Variants in DNM2 observed in about 807,000 individuals in gnomAD.
DNM2 encodes the protein dynamin-2.
In DNM2, 15 loss-of-function variants were observed where a neutral mutation model predicts 99.0. The observed-to-expected ratio is 0.15, with a 90% CI of 0.10 to 0.23. The LOEUF (loss-of-function observed/expected upper bound fraction) is 0.23, where lower values mean the gene tolerates loss of function less well. Ranked by LOEUF, DNM2 falls within the 10% of genes least tolerant of loss-of-function variation. DNM2 has a pLI of 1.00. For missense variants in DNM2, 742 were observed against 1,189.4 expected (o/e 0.62, Z 5.53); for synonymous variants, 525 against 481.2 (o/e 1.09, Z -1.19).
chr19:10,778,549 G>C (rs548609650), intron 5 of DNM2, among the ~76,000 whole-genome samples: 2 of 152,214 alleles, frequency 1.3e-5, no homozygotes, highest in African/African-American at 4.8e-5. Context: ...CTACTTAAGA[G>C]GCTGAGGTGG....
intron 18 of DNM2, among the ~76,000 whole-genome samples, chr19:10,825,674 AAGAGAG>A (rs561156273): frequency 5.0e-5 from 7 of 139,070 alleles, no homozygotes; most frequent in Non-Finnish European, 7.5e-5. Context: ...GTCTCAAGAA[AAGAGAG>A]AGAGAGAGAG....
At chr19:10,719,094 C>G (rs1235128949) in intron 1 of DNM2, among the ~76,000 whole-genome samples, 1 of 152,166 alleles carries the variant, frequency 6.6e-6, no homozygotes, top group African/African-American at 2.4e-5. Context: ...TTGATTCTCT[C>G]TGGCTGACTC....
At chr19:10,777,633 C>T (rs2071198437) in intron 5 of DNM2, among the ~76,000 whole-genome samples, 1 of 152,102 alleles carries the variant, frequency 6.6e-6, no homozygotes, top group Admixed American at 6.6e-5. Context: ...TTGCTCTTGT[C>T]ACCCAAGCTA....
At chr19:10,748,504 G>A (rs1000798164) in intron 1 of DNM2, among the ~76,000 whole-genome samples, 1 of 152,182 alleles carries the variant, frequency 6.6e-6, no homozygotes, top group Non-Finnish European at 1.5e-5. Context: ...AGGCTTGGGC[G>A]TCCTTGCTGG....
chr19:10,820,111 G>A lies in DNM2; in HGVS notation c.1781+22G>A, dbSNP rs1325998299. The A allele has an allele frequency of 6.2e-7, 1 of 1,612,142 alleles. No individual in the cohort carries two copies. Among genetic ancestry groups the A allele is most frequent in the Non-Finnish European group, 8.5e-7 (1 of 1,178,572 alleles). ...AGAGGTGAGGGGCCCAGGGGCCTGGGGATGGCTCGGGGTGAAGACCAATGG... is the reference window on the plus strand; with the variant it reads ...AGAGGTGAGGGGCCCAGGGGCCTGGAGATGGCTCGGGGTGAAGACCAATGG... On this transcript the variant is annotated intron_variant, in intron 16 of 20. Coordinates refer to ENST00000389253, the MANE Select transcript of DNM2 (RefSeq NM_001005361.3). This position sits in a 1 kb window ranked among gnomAD's most constrained non-coding sequence, Gnocchi z 4.3.
chr19:10,732,026 C>A (rs1262785707), intron 1 of DNM2, among the ~76,000 whole-genome samples: 2 of 150,274 alleles, frequency 1.3e-5, no homozygotes, highest in Admixed American at 1.3e-4. Context: ...GCAATCTCGG[C>A]TCGCTGCAAC....
intron 1 of DNM2, among the ~76,000 whole-genome samples, chr19:10,720,216 ATTT>A (rs778787809): frequency 7.1e-6 from 1 of 140,668 alleles, no homozygotes; most frequent in South Asian, 2.2e-4. Flanking sequence ...TTATTTATTT[ATTT>A]TTTTTTTTTT....
chr19:10,812,644 A>C lies in DNM2; in HGVS notation c.1671+267A>C, dbSNP rs559742467. Among the ~76,000 whole-genome samples the C allele has an allele frequency of 2.3e-3, 349 of 152,226 alleles. 2 individuals carry two copies. Among genetic ancestry groups the C allele is most frequent in the African/African-American group, 7.9e-3 (330 of 41,534 alleles). On this transcript the variant is annotated intron_variant, in intron 15 of 20. Coordinates refer to ENST00000389253, the MANE Select transcript of DNM2 (RefSeq NM_001005361.3). This position sits in a 1 kb window ranked among gnomAD's most constrained non-coding sequence, Gnocchi z 4.0. ...TCTACTAAAATTGCAAAAATTAGCC[A>C]GGAGTGGTGGCACGCGCCTGTAATC...
chr19:10,752,978 A>G (rs1329722409), intron 1 of DNM2, among the ~76,000 whole-genome samples: 3 of 151,870 alleles, frequency 2.0e-5, no homozygotes, highest in Non-Finnish European at 4.4e-5. Context: ...AAACCAAAAA[A>G]CTTAAGGTGG....
chr19:10,824,924 C>A, intron 17 of DNM2, 133 bp from the exon 18 acceptor site: 3 of 1,437,648 alleles, frequency 2.1e-6, no homozygotes, highest in East Asian at 2.3e-5. Flanking sequence ...GCAGGCCTAT[C>A]TGGTGCCAGT....
intron 5 of DNM2, chr19:10,781,272 T>A (rs1457658891): frequency 6.6e-6 from 1 of 152,178 alleles, no homozygotes; most frequent in Non-Finnish European, 1.5e-5. Flanking sequence ...GTCACACAGG[T>A]GATGGTGACT....
chr19:10,779,214 CA>C (rs771369368), intron 5 of DNM2, among the ~76,000 whole-genome samples: 187 of 100,470 alleles, frequency 1.9e-3, no homozygotes, highest in Admixed American at 2.4e-3. Flanking sequence ...GGGTCTGTCT[CA>C]AAAAAAAAAA....
chr19:10,737,170 C>T (rs947744716), intron 1 of DNM2, among the ~76,000 whole-genome samples: 3 of 152,042 alleles, frequency 2.0e-5, no homozygotes, highest in Admixed American at 6.6e-5. Context: ...GGAATCCTCC[C>T]TGGCCCTCAG....
chr19:10,783,714 T>A (rs1392720206), intron 6 of DNM2, among the ~76,000 whole-genome samples: 8 of 140,806 alleles, frequency 5.7e-5, no homozygotes, highest in African/African-American at 7.4e-5. Context: ...TATTTTTTAT[T>A]TTTGGAGACA....
At chr19:10,731,275 G>A (rs923887666) in intron 1 of DNM2, among the ~76,000 whole-genome samples, 3 of 152,162 alleles carry the variant, frequency 2.0e-5, no homozygotes, top group African/African-American at 7.2e-5. Flanking sequence ...ACCCCCGGGA[G>A]GCCTACCAGC....
Position 10,817,833 on chromosome 19 carries a change from G to A in DNM2, c.1672-2147G>A, listed in dbSNP as rs1348217640. On this transcript the variant is annotated intron_variant, in intron 15 of 20. Transcript: ENST00000389253. This position sits in a 1 kb window ranked among gnomAD's most constrained non-coding sequence, Gnocchi z 4.6. ...TGTGTGTGTGCGCGCGCGCGCACGC[G>A]TGCGTGCCGGCAGCACCAGGAAGGC... Among the ~76,000 whole-genome samples, 5 of 151,106 alleles carry A rather than the reference G, an allele frequency of 3.3e-5. No homozygotes were observed. Among genetic ancestry groups the A allele is most frequent in the Admixed American group, 6.6e-5 (1 of 15,218 alleles).
intron 1 of DNM2, among the ~76,000 whole-genome samples, chr19:10,726,784 A>AC (rs1344819003): frequency 6.6e-6 from 1 of 152,106 alleles, no homozygotes; most frequent in Non-Finnish European, 1.5e-5. Context: ...AATCGCTTGA[A>AC]CCTGGGGGAC....
intron 2 of DNM2, among the ~76,000 whole-genome samples, chr19:10,760,653 C>T (rs1164786015): frequency 6.6e-6 from 1 of 151,810 alleles, no homozygotes; most frequent in Non-Finnish European, 1.5e-5. Context: ...GCAGCCTCCC[C>T]ATAATCACTT....
At chr19:10,807,685 A>T (rs1337561161) in intron 13 of DNM2, among the ~76,000 whole-genome samples, 1 of 144,946 alleles carries the variant, frequency 6.9e-6, no homozygotes, top group Non-Finnish European at 1.5e-5. Context: ...AGTAGCGACG[A>T]TTACAGGAGC....
Sources: gnomAD v4.1 joint callset for allele counts (sites outside exome capture counted in the v4.1 genomes callset) on GRCh38, gnomAD v4.1.1 for gene constraint, Gnocchi (gnomAD v3.1) non-coding constraint, MANE v1.5 for transcripts, NCBI Gene and HGNC (gene_info 2026-07-23, HGNC 2026-07-21) for gene names.